Variants in EGR1 observed in about 807,000 individuals in gnomAD.
EGR1 encodes early growth response protein 1.
A neutral mutation model predicts 30.2 loss-of-function variants in EGR1; 8 were observed. That is an observed-to-expected ratio of 0.26 (90% CI 0.16 to 0.48). The LOEUF is 0.48. EGR1 is among the 20% of genes least tolerant of loss of function. EGR1 has a pLI of 0.99. For missense variants in EGR1, 568 were observed against 732.3 expected, an observed-to-expected ratio of 0.78 and a Z score of 2.59; for synonymous variants, 334 against 312.8, an observed-to-expected ratio of 1.07 and a Z score of -0.72.
Position 138,465,775 on chromosome 5 carries a change from A to T in EGR1, c.14A>T (p.Lys5Met). 1 of 1,603,554 alleles carries T rather than the reference A, an allele frequency of 6.2e-7. No individual in the cohort carries two copies. The highest frequency in any genetic ancestry group is 1.3e-5 in the African/African-American group (1 of 74,776). Residue 5 changes from lysine to methionine, a missense_variant, in exon 1 of 2, where the codon AAG becomes ATG. Physicochemically the swap from Lys to Met is moderately conservative, Grantham distance 95 (BLOSUM62 -1). Transcript: ENST00000239938. MAAA[K>M]AEMQLMSPLQ... is the part of the protein sequence containing the mutation. ...TGCTCGTCCAGGATGGCCGCGGCCAAGGCCGAGATGCAGCTGATGTCCCCG... is the reference window on the plus strand; with the variant it reads ...TGCTCGTCCAGGATGGCCGCGGCCATGGCCGAGATGCAGCTGATGTCCCCG...
Position 138,467,847 on chromosome 5 carries a change from C to T in EGR1, c.1398C>T (p.Tyr466=). The change falls in exon 2 of 2, where the codon TAC becomes TAT. Residue 466 remains tyrosine, a synonymous_variant. Coordinates refer to ENST00000239938, the MANE Select transcript of EGR1 (RefSeq NM_001964.3). The surrounding 1 kb of genome is among the most constrained non-coding windows in gnomAD (Gnocchi z 8.3). Reference sequence around the variant, plus strand: ...ATCCATCCCCGGCCACCACCTCATACCCATCCCCTGTGCCCACCTCCTTCT... The same window carrying T: ...ATCCATCCCCGGCCACCACCTCATATCCATCCCCTGTGCCCACCTCCTTCT... ...TSYPSPATTS[Y]PSPVPTSFSS... 6.2e-7 allele frequency: 1 copy of T among 1,613,996 alleles called. No individual in the cohort carries two copies. The highest frequency in any genetic ancestry group is 8.5e-7 in the Non-Finnish European group (1 of 1,179,916).
Position 138,465,850 on chromosome 5 carries a change from A to C in EGR1, c.89A>C (p.Asp30Ala). Reference protein sequence around the residue: ...FGSFPHSPTMDNYPKLEEMML... With the variant: ...FGSFPHSPTMANYPKLEEMML... ...TCCTTTCCTCACTCGCCCACCATGG[A>C]CAACTACCCTAAGCTGGAGGAGATG... The change falls in exon 1 of 2, where the codon GAC becomes GCC. Residue 30 changes from aspartate to alanine, a missense_variant. Asp to Ala is a moderately radical substitution (Grantham distance 126). Coordinates refer to ENST00000239938, the MANE Select transcript of EGR1 (RefSeq NM_001964.3). 1 of 1,613,952 alleles carries C rather than the reference A, an allele frequency of 6.2e-7. No homozygotes were observed.
In EGR1 at chr5:138,466,896, G is replaced by C; in HGVS notation, c.447G>C (p.Leu149Phe). The C allele has an allele frequency of 6.2e-7, 1 of 1,613,992 alleles. No individual in the cohort carries two copies. Among genetic ancestry groups the C allele is most frequent in the Non-Finnish European group, 8.5e-7 (1 of 1,180,014 alleles). Residue 149 changes from leucine to phenylalanine, a missense_variant, in exon 2 of 2, where the codon TTG (leucine) becomes TTC (phenylalanine). Coordinates refer to ENST00000239938, the MANE Select transcript of EGR1 (RefSeq NM_001964.3). ...LEPAPNSGNT[L>F]WPEPLFSLVS... Reference sequence around the variant, plus strand: ...CTGCACCCAACAGTGGCAACACCTTGTGGCCCGAGCCCCTCTTCAGCTTGG... The same window carrying C: ...CTGCACCCAACAGTGGCAACACCTTCTGGCCCGAGCCCCTCTTCAGCTTGG...
chr5:138,466,092 G>A (rs1204250025), intron 1 of EGR1, 24 bp downstream of exon 1: 1 of 1,531,728 alleles, frequency 6.5e-7, no homozygotes, highest in African/African-American at 1.4e-5. Flanking sequence ...TACGCCGAGG[G>A]GGAACCCTTT....
chr5:138,465,642 C>A lies in EGR1; in HGVS notation c.-120C>A. ...TCGGGGTCGCCGCCTGCACGCTTCT[C>A]AGTGTTCCCCGCGCCCCGCATGTAA... On this transcript the variant is annotated 5_prime_UTR_variant, in exon 1 of 2. Coordinates refer to ENST00000239938, the MANE Select transcript of EGR1 (RefSeq NM_001964.3). The A allele has an allele frequency of 8.3e-7, 1 of 1,203,122 alleles. No individual in the cohort carries two copies. The highest frequency in any genetic ancestry group is 1.1e-6 in the Non-Finnish European group (1 of 911,032). The allele number at this position is 1,203,122 out of a possible 1,614,324, so 74.5% of individuals were successfully genotyped here.
chr5:138,466,481 G>A (rs1216500514), intron 1 of EGR1, among the ~76,000 whole-genome samples: 1 of 152,254 alleles, frequency 6.6e-6, no homozygotes, highest in East Asian at 1.9e-4. Flanking sequence ...CGGCCATGGG[G>A]GTGCTGGCGG....
At position 138,465,713 on chromosome 5, in the gene EGR1, G is replaced by A. The variant is rs1032030919; in HGVS notation, c.-49G>A. On this transcript the variant is annotated 5_prime_UTR_variant, in exon 1 of 2. Coordinates refer to ENST00000239938, the MANE Select transcript of EGR1 (RefSeq NM_001964.3). ...TGTGTCCCCTGCAGCTCCAGCCCCG[G>A]GCTGCACCCCCCCGCCCCGACACCA... 6.6e-7 allele frequency: 1 copy of A among 1,507,734 alleles called. No individual in the cohort carries two copies. The highest frequency in any genetic ancestry group is 8.9e-7 in the Non-Finnish European group (1 of 1,126,618). The allele number at this position is 1,507,734 out of a possible 1,614,324, so 93.4% of individuals were successfully genotyped here. A position where few individuals can be genotyped will look rare whatever the true frequency, so the allele number is the denominator to read the frequency against.
intron 1 of EGR1, 108 bp from the exon 2 acceptor site, chr5:138,466,649 G>A (rs907035985): frequency 4.0e-6 from 5 of 1,254,996 alleles, no homozygotes; most frequent in Middle Eastern, 2.8e-4. Flanking sequence ...ACTACCTCGG[G>A]AGTCAATGGT....
chr5:138,468,951 G>T lies in EGR1; in HGVS notation c.*870G>T, dbSNP rs1415556126. 1.3e-5 allele frequency: 2 copies of T among 152,238 alleles called. No individual in the cohort carries two copies. Among genetic ancestry groups the T allele is most frequent in the Non-Finnish European group, 2.9e-5 (2 of 67,986 alleles). 9.4% of individuals were successfully genotyped at this position (152,238 alleles called of 1,614,324 possible). On this transcript the variant is annotated 3_prime_UTR_variant, in exon 2 of 2. Transcript: ENST00000239938. ...GGGGGGCAGGGAGTGATGATTTGGG[G>T]GAGGCTTTGGGAGCAAAATAAGGAA...
At chr5:138,466,617 A>G in intron 1 of EGR1, 140 bp from the exon 2 acceptor site, 3 of 949,796 alleles carry the variant, frequency 3.2e-6, no homozygotes, top group Non-Finnish European at 4.8e-6. Flanking sequence ...GGAACATTGC[A>G]ATGTGCTGCT....
At position 138,467,211 on chromosome 5, in the gene EGR1, C is replaced by T. The variant is rs771996047; in HGVS notation, c.762C>T (p.Asp254=). 17 of 1,613,148 alleles carry T rather than the reference C, an allele frequency of 1.1e-5. No individual in the cohort carries two copies. The South Asian group carries it at 1.5e-4, about 15-fold the overall frequency. ...GCTTCCAGGTTCCCATGATCCCCGA[C>T]TACCTGTTTCCACAGCAGCAGGGGG... ...KGGFQVPMIP[D]YLFPQQQGDL... is the part of the protein sequence containing the mutation. Residue 254 remains aspartate (D), a synonymous_variant, in exon 2 of 2, where the codon GAC becomes GAT. Coordinates refer to ENST00000239938, the MANE Select transcript of EGR1 (RefSeq NM_001964.3). The surrounding 1 kb of genome is among the most constrained non-coding windows in gnomAD (Gnocchi z 8.3).
At position 138,467,962 on chromosome 5, in the gene EGR1, G is replaced by A. The variant is rs766194467; in HGVS notation, c.1513G>A (p.Ala505Thr). 1.2e-6 allele frequency: 2 copies of A among 1,613,922 alleles called. No homozygotes were observed. The highest frequency in any genetic ancestry group is 1.7e-6 in the Non-Finnish European group (2 of 1,179,966). The change falls in exon 2 of 2, where the codon GCT becomes ACT. Residue 505 changes from alanine (A) to threonine (T), a missense_variant. By Grantham distance (58) the Ala-to-Thr change is moderately conservative. Around this residue, in one of 4 missense-constraint regions of EGR1, gnomAD observed 118 missense variants for 161.6 expected, o/e 0.73. Coordinates refer to ENST00000239938, the MANE Select transcript of EGR1 (RefSeq NM_001964.3). The surrounding 1 kb of genome is among the most constrained non-coding windows in gnomAD (Gnocchi z 8.3). ...VATTYSSVPP[A>T]FPAQVSSFPS... Reference sequence around the variant, plus strand: ...CACCACGTACTCCTCTGTTCCCCCTGCTTTCCCGGCCCAGGTCAGCAGCTT... The same window carrying A: ...CACCACGTACTCCTCTGTTCCCCCTACTTTCCCGGCCCAGGTCAGCAGCTT...
chr5:138,467,724 A>G lies in EGR1; in HGVS notation c.1275A>G (p.Lys425=), dbSNP rs753554596. Reference sequence around the variant, plus strand: ...TCCACTTGCGGCAGAAGGACAAGAAAGCAGACAAAAGTGTTGTGGCCTCTT... The same window carrying G: ...TCCACTTGCGGCAGAAGGACAAGAAGGCAGACAAAAGTGTTGTGGCCTCTT... ...TKIHLRQKDK[K]ADKSVVASSA... The change falls in exon 2 of 2, where the codon AAA becomes AAG. Residue 425 remains lysine (K), a synonymous_variant. Transcript: ENST00000239938. This position sits in a 1 kb window ranked among gnomAD's most constrained non-coding sequence, Gnocchi z 8.3. 2.5e-6 allele frequency: 4 copies of G among 1,614,232 alleles called. No individual in the cohort carries two copies. Among genetic ancestry groups the G allele is most frequent in the Non-Finnish European group, 3.4e-6 (4 of 1,180,040 alleles).
At position 138,466,040 on chromosome 5, in the gene EGR1, C is replaced by T. The variant is rs202039527; in HGVS notation, c.279C>T (p.Gly93=). The stretch of plus-strand genomic sequence containing the variant: ...CCTTCAACCCTCAGGCGGACACGGG[C>T]GAGCAGCCCTACGAGCACCTGACCG... The part of the protein sequence containing the change: ...SSTFNPQADT[G]EQPYEHLTAE... Residue 93 remains glycine (G), a synonymous_variant, in exon 1 of 2, where the codon GGC becomes GGT. Coordinates refer to ENST00000239938, the MANE Select transcript of EGR1 (RefSeq NM_001964.3). 3.8e-6 allele frequency: 6 copies of T among 1,596,336 alleles called. No homozygotes were observed. The South Asian group carries it at 5.7e-5, about 15-fold the overall frequency.
rs201288838 is a variant in EGR1, at chr5:138,465,836, C to T, written c.75C>T (p.His25=). Residue 25 remains histidine (H), a synonymous_variant, in exon 1 of 2, where the codon CAC becomes CAT. Coordinates refer to ENST00000239938, the MANE Select transcript of EGR1 (RefSeq NM_001964.3). ...QISDPFGSFP[H]SPTMDNYPKL... is the part of the protein sequence containing the mutation. Reference sequence around the variant, plus strand: ...CTGACCCGTTCGGATCCTTTCCTCACTCGCCCACCATGGACAACTACCCTA... The same window carrying T: ...CTGACCCGTTCGGATCCTTTCCTCATTCGCCCACCATGGACAACTACCCTA... 2 of 1,613,994 alleles carry T rather than the reference C, an allele frequency of 1.2e-6. No individual in the cohort carries two copies. The highest frequency in any genetic ancestry group is 4.5e-5 in the East Asian group (2 of 44,874).
chr5:138,465,717 G>GCCCCCCCCCCCCCC lies in EGR1; in HGVS notation c.-44_-43insCCCCCCCCCCCCCC. 1 of 1,512,876 alleles carries GCCCCCCCCCCCCCC rather than the reference G, an allele frequency of 6.6e-7. No individual in the cohort carries two copies. Among genetic ancestry groups the GCCCCCCCCCCCCCC allele is most frequent in the Non-Finnish European group, 8.9e-7 (1 of 1,129,422 alleles). The allele number at this position is 1,512,876 out of a possible 1,614,324, so 93.7% of individuals were successfully genotyped here. A position where few individuals can be genotyped will look rare whatever the true frequency, so the allele number is the denominator to read the frequency against. On this transcript the variant is annotated 5_prime_UTR_variant, in exon 1 of 2. Transcript: ENST00000239938. ...TCCCCTGCAGCTCCAGCCCCGGGCT[G>GCCCCCCCCCCCCCC]CACCCCCCCGCCCCGACACCAGCTC...
chr5:138,467,640 C>T lies in EGR1; in HGVS notation c.1191C>T (p.Ala397=), dbSNP rs1268474271. The change falls in exon 2 of 2, where the codon GCC becomes GCT. Residue 397 remains alanine, a synonymous_variant. Coordinates refer to ENST00000239938, the MANE Select transcript of EGR1 (RefSeq NM_001964.3). This position sits in a 1 kb window ranked among gnomAD's most constrained non-coding sequence, Gnocchi z 8.3. ...IRTHTGEKPF[A]CDICGRKFAR... is the part of the protein sequence containing the mutation. ...CCCACACAGGCGAAAAGCCCTTCGC[C>T]TGCGACATCTGTGGAAGAAAGTTTG... The T allele has an allele frequency of 2.5e-6, 4 of 1,614,220 alleles. No individual in the cohort carries two copies. Among genetic ancestry groups the T allele is most frequent in the Non-Finnish European group, 3.4e-6 (4 of 1,180,044 alleles).
chr5:138,466,663 C>T, intron 1 of EGR1, 94 bp from the exon 2 acceptor site: 1 of 1,433,358 alleles, frequency 7.0e-7, no homozygotes, highest in Non-Finnish European at 9.5e-7. Flanking sequence ...CAATGGTAGC[C>T]GGCCCGGTCT....
At position 138,465,717 on chromosome 5, in the gene EGR1, G is replaced by GCCCCCCCCCCC; in HGVS notation, c.-44_-43insCCCCCCCCCCC. 6.6e-7 allele frequency: 1 copy of GCCCCCCCCCCC among 1,512,894 alleles called. No individual in the cohort carries two copies. Among genetic ancestry groups the GCCCCCCCCCCC allele is most frequent in the Non-Finnish European group, 8.9e-7 (1 of 1,129,440 alleles). The allele number at this position is 1,512,894 out of a possible 1,614,324, so 93.7% of individuals were successfully genotyped here. On this transcript the variant is annotated 5_prime_UTR_variant, in exon 1 of 2. Transcript: ENST00000239938. Reference sequence around the variant, plus strand: ...TCCCCTGCAGCTCCAGCCCCGGGCTGCACCCCCCCGCCCCGACACCAGCTC... The same window carrying GCCCCCCCCCCC: ...TCCCCTGCAGCTCCAGCCCCGGGCTGCCCCCCCCCCCCACCCCCCCGCCCCGACACCAGCTC...
Sources: gnomAD v4.1 joint callset for allele counts (sites outside exome capture counted in the v4.1 genomes callset) on GRCh38, gnomAD v4.1.1 for gene constraint, gnomAD v4.1.1 regional missense constraint, Gnocchi (gnomAD v3.1) non-coding constraint, MANE v1.5 for transcripts, NCBI Gene and HGNC (gene_info 2026-07-23, HGNC 2026-07-21) for gene names.